The following ANKFN1 variants were observed in gnomAD, a reference collection of about 807,000 sequenced individuals.
ANKFN1 encodes the protein ankyrin repeat and fibronectin type III domain containing 1.
Under a neutral mutation model 108.7 loss-of-function variants are expected in ANKFN1, and 74 were observed. The ratio of observed to expected loss-of-function variants is 0.68; its 90% confidence interval spans 0.56 to 0.83. The LOEUF is 0.83. Ranked by LOEUF, ANKFN1 falls within the 40% of genes least tolerant of loss-of-function variation. The probability of loss-of-function intolerance (pLI) is 0.00; values close to 1 mark genes in which losing one functional copy is unlikely to be tolerated. For missense variants in ANKFN1, 1,505 were observed against 1,382.3 expected (o/e 1.09, Z -1.41); for synonymous variants, 547 against 516.2 (o/e 1.06, Z -0.81).
chr17:56,142,988 G>A (rs1363224135), intron 4 of ANKFN1, among the ~76,000 whole-genome samples: 1 of 152,140 alleles, frequency 6.6e-6, no homozygotes, highest in African/African-American at 2.4e-5. Flanking sequence ...TGCATTTGGA[G>A]GCTGAGACAG....
intron 3 of ANKFN1, among the ~76,000 whole-genome samples, chr17:56,314,329 C>T (rs774663812): frequency 3.9e-5 from 6 of 152,112 alleles, no homozygotes; most frequent in Non-Finnish European, 7.4e-5. Flanking sequence ...TTATATTTAA[C>T]TTTGTAAAAG....
intron 6 of ANKFN1, among the ~76,000 whole-genome samples, chr17:56,355,859 C>CA (rs2046362239): frequency 6.6e-6 from 1 of 152,024 alleles, no homozygotes; most frequent in South Asian, 2.1e-4. Context: ...AACATATGCA[C>CA]AGAGTTGTGC....
At chr17:56,184,871 G>T (rs954932448) in intron 1 of ANKFN1, 1 of 152,112 alleles carries the variant, frequency 6.6e-6, no homozygotes, top group Non-Finnish European at 1.5e-5. Flanking sequence ...CAGCTGTTAC[G>T]CCAGAGTGTT....
chr17:56,113,633 C>G (rs752883907), intron 4 of ANKFN1, among the ~76,000 whole-genome samples: 1 of 152,160 alleles, frequency 6.6e-6, no homozygotes, highest in African/African-American at 2.4e-5. Context: ...TTTCTTAGGA[C>G]TATTGTAATG....
chr17:56,341,357 G>A (rs2045953398), intron 4 of ANKFN1, among the ~76,000 whole-genome samples: 1 of 152,124 alleles, frequency 6.6e-6, no homozygotes, highest in African/African-American at 2.4e-5. Context: ...TAGGAGTAGT[G>A]GGAGAGGACA....
intron 4 of ANKFN1, among the ~76,000 whole-genome samples, chr17:56,069,735 T>C (rs534154117): frequency 6.6e-6 from 1 of 152,166 alleles, no homozygotes; most frequent in African/African-American, 2.4e-5. Flanking sequence ...TTCTTGGATC[T>C]CCCACAAGAA....
chr17:56,107,653 C>T (rs995287046), intron 4 of ANKFN1, among the ~76,000 whole-genome samples: 3 of 152,116 alleles, frequency 2.0e-5, no homozygotes, highest in African/African-American at 7.2e-5. Flanking sequence ...AATTGCTCCA[C>T]ATTATCCAAA....
chr17:56,106,946 A>G (rs1185555360), intron 4 of ANKFN1, among the ~76,000 whole-genome samples: 1 of 152,188 alleles, frequency 6.6e-6, no homozygotes, highest in Non-Finnish European at 1.5e-5. Context: ...TTTACAGTTG[A>G]AATACTACTT....
intron 4 of ANKFN1, among the ~76,000 whole-genome samples, chr17:56,068,210 G>A (rs1025408205): frequency 6.6e-6 from 1 of 152,064 alleles, no homozygotes; most frequent in Admixed American, 6.5e-5. Flanking sequence ...AGCATCCCTT[G>A]ACCCCAGTAT....
chr17:56,225,478 T>C (rs548271170), intron 2 of ANKFN1, among the ~76,000 whole-genome samples: 42 of 152,268 alleles, frequency 2.8e-4, no homozygotes, highest in African/African-American at 9.6e-4. Flanking sequence ...TAACTTTGTG[T>C]TATATTGTGA....
At chr17:56,249,373 G>T (rs996856506) in intron 3 of ANKFN1, among the ~76,000 whole-genome samples, 80 of 151,938 alleles carry the variant, frequency 5.3e-4, no homozygotes, top group Admixed American at 5.2e-3. Flanking sequence ...GGCAGAGATT[G>T]CAGTAAGCCA....
At chr17:56,227,500 C>A (rs1598272979) in intron 2 of ANKFN1, among the ~76,000 whole-genome samples, 1 of 152,106 alleles carries the variant, frequency 6.6e-6, no homozygotes, top group Non-Finnish European at 1.5e-5. Flanking sequence ...TTTAAAGGAA[C>A]AATGTGTCAG....
intron 1 of ANKFN1, among the ~76,000 whole-genome samples, chr17:56,189,322 C>T (rs1184695659): frequency 6.7e-6 from 1 of 148,762 alleles, no homozygotes; most frequent in East Asian, 2.0e-4. Flanking sequence ...AGGCGCCCGC[C>T]ACTACGCCTG....
At chr17:56,436,789 A>G (rs1296379280) in intron 8 of ANKFN1, among the ~76,000 whole-genome samples, 1 of 150,452 alleles carries the variant, frequency 6.6e-6, no homozygotes, top group African/African-American at 2.5e-5. Flanking sequence ...GTGAGCTGAG[A>G]TCGTGCCACT....
chr17:56,163,040 A>T (rs1909814668), intron 1 of ANKFN1, among the ~76,000 whole-genome samples: 1 of 150,998 alleles, frequency 6.6e-6, no homozygotes, highest in South Asian at 2.1e-4. Flanking sequence ...CATCTCAAAA[A>T]AAAAAAGAAA....
rs554777929 is a variant in ANKFN1, at chr17:56,196,187, T to C, written c.-70-16411T>C. Among the ~76,000 whole-genome samples the C allele has an allele frequency of 3.9e-5, 6 of 151,956 alleles. No homozygotes were observed. The South Asian group carries it at 1.2e-3, about 32-fold the overall frequency. On this transcript the variant is annotated intron_variant, in intron 1 of 20. Coordinates refer to ENST00000682825, the MANE Select transcript of ANKFN1 (RefSeq NM_001370326.1). ...GGAGGATTGACTTGAGCCCAAGAGG[T>C]TGAGGCTGCAGTTATCCATGATTGC...
chr17:56,362,371 A>G (rs1469235995), intron 6 of ANKFN1, among the ~76,000 whole-genome samples: 1 of 152,218 alleles, frequency 6.6e-6, no homozygotes, highest in Non-Finnish European at 1.5e-5. Context: ...CTAGCCACAT[A>G]TGACTATCAA....
At chr17:56,122,727 T>C (rs1432323965) in intron 4 of ANKFN1, among the ~76,000 whole-genome samples, 1 of 152,226 alleles carries the variant, frequency 6.6e-6, no homozygotes, top group Non-Finnish European at 1.5e-5. Flanking sequence ...ATAGTCTAAT[T>C]AATCCACAAA....
At chr17:56,239,490 T>G (rs1407523293) in intron 3 of ANKFN1, among the ~76,000 whole-genome samples, 5 of 152,186 alleles carry the variant, frequency 3.3e-5, no homozygotes, top group African/African-American at 9.6e-5. Flanking sequence ...AATATCACTT[T>G]CACTCCATAA....
Sources: allele counts gnomAD v4.1 joint callset (sites outside exome capture counted in the v4.1 genomes callset), GRCh38; gene constraint gnomAD v4.1.1; transcripts MANE v1.5; gene names NCBI Gene and HGNC (gene_info 2026-07-23, HGNC 2026-07-21).